The following HHAT variants were observed in gnomAD, a reference collection of about 807,000 sequenced individuals.
HHAT encodes the protein hedgehog acyltransferase, also known as protein-cysteine N-palmitoyltransferase HHAT.
HHAT carries 47 observed loss-of-function variants against 70.8 expected under a neutral mutation model. The observed-to-expected ratio is 0.66, with a 90% CI of 0.53 to 0.85. The LOEUF (loss-of-function observed/expected upper bound fraction) is 0.85, where lower values mean the gene tolerates loss of function less well. Among genes scored for constraint, HHAT ranks in the 40% least tolerant of loss-of-function variants. HHAT has a pLI of 0.00. For synonymous variants in HHAT, 228 were observed against 247.6 expected (o/e 0.92, Z 0.74); for missense variants, 609 against 604.8 (o/e 1.01, Z -0.07).
chr1:210,431,428 G>T (rs2093239991), intron 7 of HHAT, among the ~76,000 whole-genome samples: 1 of 151,596 alleles, frequency 6.6e-6, no homozygotes, highest in South Asian at 2.1e-4. Flanking sequence ...ATATATTTTT[G>T]GTCTCCAAGG....
chr1:210,646,302 A>G (rs12096661), intron 11 of HHAT, among the ~76,000 whole-genome samples: 1 of 152,038 alleles, frequency 6.6e-6, no homozygotes, highest in African/African-American at 2.4e-5. Context: ...TATGCATATT[A>G]TTATACTAAA....
At chr1:210,552,413 G>C (rs2095535091) in intron 9 of HHAT, among the ~76,000 whole-genome samples, 1 of 152,232 alleles carries the variant, frequency 6.6e-6, no homozygotes. Context: ...GCCTGGCTGA[G>C]ATGGTGGAAA....
intron 8 of HHAT, among the ~76,000 whole-genome samples, chr1:210,489,884 C>G (rs1314390534): frequency 6.6e-6 from 1 of 152,142 alleles, no homozygotes; most frequent in Non-Finnish European, 1.5e-5. Flanking sequence ...AGTCCCAGTC[C>G]TTTGTGAAGG....
chr1:210,667,696 G>A (rs749883005), intron 11 of HHAT, among the ~76,000 whole-genome samples: 32 of 151,764 alleles, frequency 2.1e-4, no homozygotes, highest in Admixed American at 2.0e-4. Flanking sequence ...ACAACCTGTC[G>A]CCGCCCAGCC....
intron 7 of HHAT, among the ~76,000 whole-genome samples, chr1:210,453,311 A>G (rs891154710): frequency 6.6e-6 from 1 of 152,222 alleles, no homozygotes; most frequent in African/African-American, 2.4e-5. Flanking sequence ...GTTATTTAAA[A>G]TTAATGCAGT....
chr1:210,466,768 A>AT (rs2094117225), intron 8 of HHAT, among the ~76,000 whole-genome samples: 1 of 73,726 alleles, frequency 1.4e-5, no homozygotes, highest in South Asian at 5.6e-4. Flanking sequence ...TTATTTTAAT[A>AT]ATTTTTTTTT....
intron 6 of HHAT, among the ~76,000 whole-genome samples, chr1:210,408,681 C>G (rs2092423763): frequency 6.6e-6 from 1 of 152,110 alleles, no homozygotes; most frequent in Non-Finnish European, 1.5e-5. Flanking sequence ...GCAGCTGCTG[C>G]AGGAAAGGGA....
In HHAT at chr1:210,635,048, A is replaced by G. The variant is rs144392229; in HGVS notation, c.1390+11378A>G. Among the ~76,000 whole-genome samples the G allele has an allele frequency of 5.0e-4, 76 of 152,330 alleles. 1 individual carries two copies. The East Asian group carries it at 0.014, about 27-fold the overall frequency. ...AGGTGAATGGCTCAGGGATGCACCA[A>G]TAAGCTGATTTTAAAACAAAGCCAA... On this transcript the variant is annotated intron_variant, in intron 11 of 11. Transcript: ENST00000261458.
intron 8 of HHAT, among the ~76,000 whole-genome samples, chr1:210,493,884 T>A (rs552554002): frequency 1.3e-5 from 2 of 152,212 alleles, no homozygotes; most frequent in South Asian, 4.1e-4. Context: ...CATCCCCACC[T>A]CAGCCTGGTT....
chr1:210,494,673 T>G (rs887484913), intron 8 of HHAT, among the ~76,000 whole-genome samples: 1 of 148,750 alleles, frequency 6.7e-6, no homozygotes, highest in Non-Finnish European at 1.5e-5. Flanking sequence ...TGCCTCAGCC[T>G]TCTGAGTAGC....
chr1:210,492,207 T>C (rs1339121232), intron 8 of HHAT, among the ~76,000 whole-genome samples: 1 of 152,168 alleles, frequency 6.6e-6, no homozygotes, highest in Non-Finnish European at 1.5e-5. Context: ...AAGACTCTTT[T>C]ACTCTGAACA....
At chr1:210,480,873 C>T (rs2501890) in intron 8 of HHAT, among the ~76,000 whole-genome samples, 24,848 of 152,152 alleles carry the variant, frequency 0.16, 2,260 homozygotes, top group East Asian at 0.42. Context: ...CAGATCTCTG[C>T]TTCAGGGGAG....
rs755582044 is a variant in HHAT at position 210,531,191 on chromosome 1, G to A, written c.1043+18003G>A. The stretch of plus-strand genomic sequence containing the variant: ...TCTATCTAAACATAGAAGAGGTACA[G>A]TAAAAATACAGTATTATAATCTTAT... On this transcript the variant is annotated intron_variant, in intron 9 of 11. Transcript: ENST00000261458. Among the ~76,000 whole-genome samples the A allele has an allele frequency of 3.1e-4, 47 of 152,222 alleles. 2 individuals are homozygous for A. The highest frequency in any genetic ancestry group is 1.6e-3 in the Admixed American group (25 of 15,274).
At position 210,448,430 on chromosome 1, in the gene HHAT, G is replaced by T. The variant is rs75866928; in HGVS notation, c.857-16075G>T. Among the ~76,000 whole-genome samples the T allele has an allele frequency of 8.8e-3, 1,344 of 152,246 alleles. 22 individuals are homozygous for T. Among genetic ancestry groups the T allele is most frequent in the African/African-American group, 0.031 (1,286 of 41,522 alleles). ...TGGTATTTTGTGTGTGCATATGAGG[G>T]TTTATCAGTCTTAGCGTAATAGTTT... On this transcript the variant is annotated intron_variant, in intron 7 of 11. Coordinates refer to ENST00000261458, the MANE Select transcript of HHAT (RefSeq NM_018194.6).
intron 4 of HHAT, among the ~76,000 whole-genome samples, chr1:210,392,509 G>C (rs74387887): frequency 6.6e-6 from 1 of 151,994 alleles, no homozygotes; most frequent in African/African-American, 2.4e-5. Context: ...TGTACTGTGC[G>C]TATGTCTGTG....
At chr1:210,554,075 G>T (rs2095551534) in intron 9 of HHAT, among the ~76,000 whole-genome samples, 1 of 152,164 alleles carries the variant, frequency 6.6e-6, no homozygotes, top group Admixed American at 6.5e-5. Context: ...GGGCTGCTAG[G>T]TTATGAACAC....
intron 1 of HHAT, among the ~76,000 whole-genome samples, chr1:210,347,394 G>C (rs2086618861): frequency 6.6e-6 from 1 of 152,156 alleles, no homozygotes. Flanking sequence ...TGAATTCTGG[G>C]GTTTGGCATG....
At chr1:210,592,888 T>TG (rs1662064444) in intron 10 of HHAT, among the ~76,000 whole-genome samples, 2 of 151,906 alleles carry the variant, frequency 1.3e-5, no homozygotes, top group Admixed American at 1.3e-4. Flanking sequence ...TCTTTTTTTT[T>TG]TTTTATTATA....
rs141315790 is a variant in HHAT, at chr1:210,535,536, A to G, written c.1043+22348A>G. On this transcript the variant is annotated intron_variant, in intron 9 of 11. Coordinates refer to ENST00000261458, the MANE Select transcript of HHAT (RefSeq NM_018194.6). ...GCTAGAATCCCTTTGGATGGGGGAG[A>G]AAGATCAGTAGGAGGGGGTAGACCA... Among the ~76,000 whole-genome samples the G allele has an allele frequency of 1.6e-3, 245 of 151,898 alleles. 1 individual carries two copies. Among genetic ancestry groups the G allele is most frequent in the African/African-American group, 5.6e-3 (230 of 41,386 alleles).
Sources: gnomAD v4.1 joint callset for allele counts (sites outside exome capture counted in the v4.1 genomes callset) on GRCh38, gnomAD v4.1.1 for gene constraint, MANE v1.5 for transcripts, NCBI Gene and HGNC (gene_info 2026-07-23, HGNC 2026-07-21) for gene names.